The following FZR1 variants were observed in gnomAD, a reference collection of about 807,000 sequenced individuals.
The protein encoded by FZR1 is fizzy-related protein homolog.
Under a neutral mutation model 63.6 loss-of-function variants are expected in FZR1, and 11 were observed. That is an observed-to-expected ratio of 0.17 (90% confidence interval 0.11 to 0.29). The LOEUF (loss-of-function observed/expected upper bound fraction) is 0.29, where lower values mean the gene tolerates loss of function less well. Among genes scored for constraint, FZR1 ranks in the 10% least tolerant of loss-of-function variants. The probability of loss-of-function intolerance (pLI) is 1.00; values close to 1 mark genes in which losing one functional copy is unlikely to be tolerated. For synonymous variants in FZR1, 328 were observed against 297.9 expected (o/e 1.10, Z -1.04); for missense variants, 440 against 687.5 (o/e 0.64, Z 4.03).
At chr19:3,522,464 A>G (rs2083111307) in intron 1 of FZR1, among the ~76,000 whole-genome samples, 1 of 152,096 alleles carries the variant, frequency 6.6e-6, no homozygotes, top group Non-Finnish European at 1.5e-5. Context: ...ATGTCCCTGG[A>G]GCTGTGACTT....
chr19:3,531,291 G>A (rs1052663549), intron 8 of FZR1, among the ~76,000 whole-genome samples: 10 of 152,296 alleles, frequency 6.6e-5, no homozygotes, highest in South Asian at 2.1e-4. Flanking sequence ...ACTCGTAACC[G>A]CTCACTGTGT....
intron 1 of FZR1, among the ~76,000 whole-genome samples, chr19:3,513,380 C>T (rs1414881352): frequency 6.6e-6 from 1 of 152,178 alleles, no homozygotes; most frequent in Non-Finnish European, 1.5e-5. Flanking sequence ...AGGGCTGGGC[C>T]GAGTGCTGAG....
intron 2 of FZR1, among the ~76,000 whole-genome samples, chr19:3,523,845 C>T (rs1404572265): frequency 6.6e-6 from 1 of 152,208 alleles, no homozygotes; most frequent in African/African-American, 2.4e-5. Flanking sequence ...TTGGGCTAGG[C>T]CTGGGGCAGG....
Position 3,525,438 on chromosome 19 carries a change from T to TTC in FZR1, c.70-429_70-428insCT, listed in dbSNP as rs2083145074. Among the ~76,000 whole-genome samples the TTC allele has an allele frequency of 7.7e-6, 1 of 129,178 alleles. No individual in the cohort carries two copies. Among genetic ancestry groups the TTC allele is most frequent in the African/African-American group, 3.1e-5 (1 of 32,196 alleles). The allele number at this position is 129,178 out of a possible 152,430, so 84.7% of individuals were successfully genotyped here. The stretch of plus-strand genomic sequence containing the variant: ...GCTCCCCTCCTTGGGTTTTCTTTTT[T>TTC]TTTTTTTTTTTTTTTTTTTTTTGAG... On this transcript the variant is annotated intron_variant, in intron 2 of 13. Coordinates refer to ENST00000441788, the MANE Select transcript of FZR1 (RefSeq NM_016263.4). The surrounding 1 kb of genome is among the most constrained non-coding windows in gnomAD (Gnocchi z 4.2).
In FZR1 at chr19:3,522,633, C is replaced by T. The variant is rs140909854; in HGVS notation, c.-34-323C>T. Among the ~76,000 whole-genome samples, 271 of 152,340 alleles carry T rather than the reference C, an allele frequency of 1.8e-3. 2 individuals carry two copies. Among genetic ancestry groups the T allele is most frequent in the African/African-American group, 5.6e-3 (231 of 41,576 alleles). The stretch of plus-strand genomic sequence containing the variant: ...TCGGGACATGGAGGCTGCCCACGCT[C>T]AGGGAAGAGTCCTTGTCGGGACCTC... On this transcript the variant is annotated intron_variant, in intron 1 of 13. Transcript: ENST00000441788.
chr19:3,506,547 C>G (rs911893379), intron 1 of FZR1, 73 bp downstream of exon 1: 3 of 151,924 alleles, frequency 2.0e-5, no homozygotes, highest in Non-Finnish European at 4.4e-5. Context: ...CCCCCAAAAC[C>G]GGGACGGCGG....
chr19:3,530,784 G>C lies in FZR1; in HGVS notation c.655-8G>C. 2 of 1,611,500 alleles carry C rather than the reference G, an allele frequency of 1.2e-6. No individual in the cohort carries two copies. The highest frequency in any genetic ancestry group is 1.7e-6 in the Non-Finnish European group (2 of 1,178,674). Reference sequence around the variant, plus strand: ...AGCGGCAAAGCTCACACTGACCTCTGCCTCCAGGTGACGCGGCTCTGTGAC... The same window carrying C: ...AGCGGCAAAGCTCACACTGACCTCTCCCTCCAGGTGACGCGGCTCTGTGAC... On this transcript the variant is annotated splice_region_variant and splice_polypyrimidine_tract_variant and intron_variant, in intron 7 of 13. Transcript: ENST00000441788.
rs2083279917 is a variant in FZR1 at position 3,534,720 on chromosome 19, G to A, written c.1441-75G>A. 4 of 1,388,190 alleles carry A rather than the reference G, an allele frequency of 2.9e-6. No individual in the cohort carries two copies. The South Asian group carries it at 3.5e-5, about 12-fold the overall frequency. The allele number at this position is 1,388,190 out of a possible 1,614,324, so 86.0% of individuals were successfully genotyped here. On this transcript the variant is annotated intron_variant, in intron 13 of 13. Coordinates refer to ENST00000441788, the MANE Select transcript of FZR1 (RefSeq NM_016263.4). The stretch of plus-strand genomic sequence containing the variant: ...CAGCCCCTCAGGACCAAGCCCCAAA[G>A]CCTTGGGGACCCTCCAGGCAGCTTC...
In FZR1 at chr19:3,526,350, G is replaced by T; in HGVS notation, c.351G>T (p.Leu117=). ...ACCCGCAGACTGAGGACCGCAGGCTGCAGCCCTCCACGCCTGAGAAGAAGG... is the reference window on the plus strand; with the variant it reads ...ACCCGCAGACTGAGGACCGCAGGCTTCAGCCCTCCACGCCTGAGAAGAAGG... The part of the protein sequence containing the change: ...VQDPQTEDRR[L]QPSTPEKKGL... The change falls in exon 5 of 14, where the codon CTG becomes CTT. Residue 117 remains leucine (L), a synonymous_variant. Transcript: ENST00000441788. This position sits in a 1 kb window ranked among gnomAD's most constrained non-coding sequence, Gnocchi z 5.4. The T allele has an allele frequency of 2.5e-6, 4 of 1,599,440 alleles. No individual in the cohort carries two copies. The highest frequency in any genetic ancestry group is 3.4e-6 in the Non-Finnish European group (4 of 1,174,058).
chr19:3,517,923 C>G (rs568537433), intron 1 of FZR1, among the ~76,000 whole-genome samples: 47 of 149,574 alleles, frequency 3.1e-4, no homozygotes, highest in Admixed American at 1.5e-3. Context: ...TGCAGTGGTG[C>G]GATCTCAGCT....
In FZR1 at chr19:3,526,311, C is replaced by G; in HGVS notation, c.312C>G (p.Ile104Met). 1.9e-6 allele frequency: 3 copies of G among 1,605,752 alleles called. No homozygotes were observed. Among genetic ancestry groups the G allele is most frequent in the Non-Finnish European group, 2.5e-6 (3 of 1,176,826 alleles). Residue 104 changes from isoleucine to methionine, a missense_variant, in exon 5 of 14, where the codon ATC (isoleucine) becomes ATG (methionine). Physicochemically the swap from Ile to Met is conservative, Grantham distance 10 (BLOSUM62 1). This residue lies in a region of FZR1 where 200 missense variants were observed against 245.1 expected (regional missense o/e 0.82). Coordinates refer to ENST00000441788, the MANE Select transcript of FZR1 (RefSeq NM_016263.4). The surrounding 1 kb of genome is among the most constrained non-coding windows in gnomAD (Gnocchi z 5.4). ...LLKNELLGAG[I>M]EKVQDPQTED... ...AGAATGAGCTGCTGGGTGCCGGCAT[C>G]GAGAAGGTGCAGGACCCGCAGACTG...
Position 3,525,421 on chromosome 19 carries a change from C to A in FZR1, c.70-447C>A, listed in dbSNP as rs1403584101. On this transcript the variant is annotated intron_variant, in intron 2 of 13. Transcript: ENST00000441788. This position sits in a 1 kb window ranked among gnomAD's most constrained non-coding sequence, Gnocchi z 4.2. Reference sequence around the variant, plus strand: ...CCACGAGTGACTGTGTGGCTCCCCTCCTTGGGTTTTCTTTTTTTTTTTTTT... The same window carrying A: ...CCACGAGTGACTGTGTGGCTCCCCTACTTGGGTTTTCTTTTTTTTTTTTTT... Among the ~76,000 whole-genome samples, 2 of 147,262 alleles carry A rather than the reference C, an allele frequency of 1.4e-5. No homozygotes were observed. The highest frequency in any genetic ancestry group is 5.2e-5 in the African/African-American group (2 of 38,314).
At chr19:3,517,674 G>A (rs1036849395) in intron 1 of FZR1, among the ~76,000 whole-genome samples, 2 of 151,898 alleles carry the variant, frequency 1.3e-5, no homozygotes, top group African/African-American at 4.8e-5. Flanking sequence ...GGCAAAAAGA[G>A]TGAGACTCTA....
rs2029913859 is a variant in FZR1 at position 3,535,557 on chromosome 19, A to T, written c.*721A>T. On this transcript the variant is annotated 3_prime_UTR_variant, in exon 14 of 14. Transcript: ENST00000441788. The stretch of plus-strand genomic sequence containing the variant: ...CATCCTGGCCAAGCGTCACCCTCAC[A>T]CTGGAGGAGGATGTCTGCTCTGGAC... The T allele has an allele frequency of 1.3e-5, 2 of 152,578 alleles. No homozygotes were observed. The highest frequency in any genetic ancestry group is 2.9e-5 in the Non-Finnish European group (2 of 68,328). The allele number at this position is 152,578 out of a possible 1,614,324, so 9.5% of individuals were successfully genotyped here.
At chr19:3,512,247 A>G (rs1321825161) in intron 1 of FZR1, among the ~76,000 whole-genome samples, 1 of 152,138 alleles carries the variant, frequency 6.6e-6, no homozygotes, top group East Asian at 1.9e-4. Flanking sequence ...GCCAGCATCC[A>G]CTGAGCACCT....
Position 3,530,841 on chromosome 19 carries a change from T to TG in FZR1, c.707dup (p.Trp237LeufsTer3). 2 of 1,612,746 alleles carry TG rather than the reference T, an allele frequency of 1.2e-6. No individual in the cohort carries two copies. The highest frequency in any genetic ancestry group is 1.7e-6 in the Non-Finnish European group (2 of 1,179,458). ...GTGGAAGGGGACTCAGTGACCTCCGTGGGCTGGTCTGAGCGGGTGAGTGCA... is the reference window on the plus strand; with the variant it reads ...GTGGAAGGGGACTCAGTGACCTCCGTGGGGCTGGTCTGAGCGGGTGAGTGCA... On this transcript the variant is annotated frameshift_variant, in exon 8 of 14. Transcript: ENST00000441788. LOFTEE classifies it high-confidence loss of function.
rs1443028121 is a variant in FZR1, at chr19:3,529,950, A to G, written c.655-842A>G. Reference sequence around the variant, plus strand: ...CGGATGGGAGAGCGCATGGGTGAGCAGATGCAAGAGTGGATGAGAGTGGTT... The same window carrying G: ...CGGATGGGAGAGCGCATGGGTGAGCGGATGCAAGAGTGGATGAGAGTGGTT... On this transcript the variant is annotated intron_variant, in intron 7 of 13. Coordinates refer to ENST00000441788, the MANE Select transcript of FZR1 (RefSeq NM_016263.4). Among the ~76,000 whole-genome samples the G allele has an allele frequency of 4.2e-4, 29 of 69,296 alleles. 1 individual carries two copies. The highest frequency in any genetic ancestry group is 1.2e-3 in the South Asian group (2 of 1,714). 45.5% of individuals were successfully genotyped at this position (69,296 alleles called of 152,430 possible). A position where few individuals can be genotyped will look rare whatever the true frequency, so the allele number is the denominator to read the frequency against.
rs1472662429 is a variant in FZR1 at position 3,526,231 on chromosome 19, C to T, written c.260-28C>T. Reference sequence around the variant, plus strand: ...CCTGCAGGCCCCCACCCTGCCTTGCCCCGCCTCACTGTGCTTGGTGCCCGC... The same window carrying T: ...CCTGCAGGCCCCCACCCTGCCTTGCTCCGCCTCACTGTGCTTGGTGCCCGC... On this transcript the variant is annotated intron_variant, in intron 4 of 13. Coordinates refer to ENST00000441788, the MANE Select transcript of FZR1 (RefSeq NM_016263.4). This position sits in a 1 kb window ranked among gnomAD's most constrained non-coding sequence, Gnocchi z 5.4. 6.2e-7 allele frequency: 1 copy of T among 1,611,702 alleles called. No individual in the cohort carries two copies. Among genetic ancestry groups the T allele is most frequent in the African/African-American group, 1.3e-5 (1 of 74,922 alleles).
At chr19:3,529,765 GGTGAGCGGATGC>G (rs1196609815) in intron 7 of FZR1, among the ~76,000 whole-genome samples, 7 of 121,374 alleles carry the variant, frequency 5.8e-5, no homozygotes, top group Non-Finnish European at 1.0e-4. Flanking sequence ...GGAGCGCATG[GGTGAGCGGATGC>G]GAGAGTGGAT....
Sources: gnomAD v4.1 joint callset for allele counts (sites outside exome capture counted in the v4.1 genomes callset) on GRCh38, gnomAD v4.1.1 for gene constraint, gnomAD v4.1.1 regional missense constraint, Gnocchi (gnomAD v3.1) non-coding constraint, MANE v1.5 for transcripts, NCBI Gene and HGNC (gene_info 2026-07-23, HGNC 2026-07-21) for gene names.